Variants in CDC14B observed in about 807,000 individuals in gnomAD.
CDC14B encodes the protein cell division cycle 14B, also known as dual specificity protein phosphatase CDC14B.
A neutral mutation model predicts 64.2 loss-of-function variants in CDC14B; 22 were observed. That is an observed-to-expected ratio of 0.34 (90% CI 0.24 to 0.49). The LOEUF is 0.49. CDC14B is among the 20% of genes least tolerant of loss of function. The pLI is 0.99. For synonymous variants in CDC14B, 191 were observed against 215.8 expected (o/e 0.89, Z 1.01); for missense variants, 498 against 629.9 (o/e 0.79, Z 2.24).
intron 7 of CDC14B, among the ~76,000 whole-genome samples, chr9:96,535,328 AT>A (rs1839135813): frequency 6.6e-6 from 1 of 152,212 alleles, no homozygotes; most frequent in African/African-American, 2.4e-5. Flanking sequence ...AATTAAAAAA[AT>A]AAATAAATAA....
At chr9:96,606,583 G>GTGTGTGTGT (rs1846955802) in intron 1 of CDC14B, among the ~76,000 whole-genome samples, 1 of 143,102 alleles carries the variant, frequency 7.0e-6, no homozygotes, top group Non-Finnish European at 1.5e-5. Flanking sequence ...GTGTGTTTCT[G>GTGTGTGTGT]GAGATGGTGT....
intron 9 of CDC14B, among the ~76,000 whole-genome samples, chr9:96,530,653 AT>A (rs57789654): frequency 1.6e-3 from 217 of 137,878 alleles, no homozygotes; most frequent in Middle Eastern, 3.6e-3. Context: ...TCTAATTTCG[AT>A]TTTTTTTTTT....
intron 1 of CDC14B, among the ~76,000 whole-genome samples, chr9:96,597,065 C>T (rs1216328554): frequency 2.0e-5 from 3 of 152,012 alleles, no homozygotes; most frequent in African/African-American, 4.8e-5. Context: ...ATAAAGAAAA[C>T]CACACCAATG....
intron 7 of CDC14B, among the ~76,000 whole-genome samples, chr9:96,536,547 G>T (rs1266350549): frequency 2.6e-5 from 4 of 152,216 alleles, no homozygotes; most frequent in Admixed American, 6.5e-5. Context: ...TAAAGACAGG[G>T]TTGGCCCTAA....
chr9:96,562,234 G>C (rs1843308373), intron 4 of CDC14B, among the ~76,000 whole-genome samples: 1 of 151,996 alleles, frequency 6.6e-6, no homozygotes, highest in Non-Finnish European at 1.5e-5. Flanking sequence ...ACCTTAATTA[G>C]GGGAAAAATG....
downstream of CDC14B, chr9:96,496,384 C>G (rs773143448): frequency 2.8e-5 from 14 of 497,012 alleles, no homozygotes; most frequent in South Asian, 2.1e-4. Flanking sequence ...AGATGGACAG[C>G]GCTGTACTTA....
chr9:96,586,990 C>T (rs1845484215), intron 1 of CDC14B, among the ~76,000 whole-genome samples: 1 of 151,910 alleles, frequency 6.6e-6, no homozygotes, highest in Non-Finnish European at 1.5e-5. Context: ...CTGGCCAACA[C>T]CGCGAAACCC....
At chr9:96,527,858 G>T (rs139410363) in intron 9 of CDC14B, among the ~76,000 whole-genome samples, 2 of 151,834 alleles carry the variant, frequency 1.3e-5, no homozygotes, top group Non-Finnish European at 2.9e-5. Flanking sequence ...CTCGTGATCC[G>T]CCCACCTCAG....
chr9:96,575,709 A>C (rs1380130512), intron 1 of CDC14B, among the ~76,000 whole-genome samples: 5 of 152,222 alleles, frequency 3.3e-5, no homozygotes, highest in Non-Finnish European at 5.9e-5. Flanking sequence ...TAAAAAATTC[A>C]AGCTAGGCTG....
At chr9:96,565,577 C>A in intron 1 of CDC14B, 94 bp from the exon 2 acceptor site, 1 of 833,270 alleles carries the variant, frequency 1.2e-6, no homozygotes, top group Non-Finnish European at 2.1e-6. Flanking sequence ...GTCAATTTTT[C>A]ATTTTTTTCA....
intron 13 of CDC14B, among the ~76,000 whole-genome samples, chr9:96,494,931 T>C (rs2131178971): frequency 6.8e-6 from 1 of 148,028 alleles, no homozygotes; most frequent in South Asian, 2.3e-4. Flanking sequence ...GTCTCCCGGG[T>C]TCATGCCATT....
At chr9:96,560,575 T>C (rs1166976735) in intron 4 of CDC14B, among the ~76,000 whole-genome samples, 2 of 147,608 alleles carry the variant, frequency 1.4e-5, no homozygotes, top group Non-Finnish European at 3.0e-5. Flanking sequence ...CATAGACTTT[T>C]CTCTTTCTCT....
Position 96,565,436 on chromosome 9 carries a change from T to G in CDC14B, c.208A>C (p.Asn70His). 6.2e-7 allele frequency: 1 copy of G among 1,611,924 alleles called. No homozygotes were observed. Among genetic ancestry groups the G allele is most frequent in the Non-Finnish European group, 8.5e-7 (1 of 1,178,116 alleles). The change falls in exon 2 of 14, where the codon AAT (asparagine) becomes CAT (histidine). Residue 70 changes from asparagine to histidine, a missense_variant. Transcript: ENST00000375241. The part of the protein sequence containing the change: ...ILYSRPKSAS[N>H]VHYFSIDNEL... ...TTATCTATGCTGAAATAATGTACAT[T>G]TGATGCACTCTTTGGTCTGCTGTAG...
chr9:96,618,381 C>T, intron 1 of CDC14B: 1 of 443,414 alleles, frequency 2.3e-6, no homozygotes, highest in Admixed American at 2.4e-5. Context: ...AATGCCTTCA[C>T]ACGCGTCACT....
chr9:96,579,931 T>A (rs1296216105), intron 1 of CDC14B, among the ~76,000 whole-genome samples: 3 of 151,946 alleles, frequency 2.0e-5, no homozygotes, highest in African/African-American at 4.8e-5. Flanking sequence ...GTTTTTTTTT[T>A]AAAGCAATTG....
chr9:96,495,238 T>G (rs1833197295), downstream of CDC14B, among the ~76,000 whole-genome samples: 1 of 152,178 alleles, frequency 6.6e-6, no homozygotes, highest in Non-Finnish European at 1.5e-5. Flanking sequence ...CCATGTGGCA[T>G]CAACTTGTAC....
intron 9 of CDC14B, among the ~76,000 whole-genome samples, chr9:96,532,048 C>T (rs921868160): frequency 6.6e-6 from 1 of 152,004 alleles, no homozygotes. Flanking sequence ...ACTTAATCCC[C>T]TTACTAGTTA....
At chr9:96,583,524 G>C (rs1380911545) in intron 1 of CDC14B, among the ~76,000 whole-genome samples, 1 of 151,178 alleles carries the variant, frequency 6.6e-6, no homozygotes, top group East Asian at 1.9e-4. Context: ...AGTCTCAAGA[G>C]TAGCTGGGAC....
chr9:96,587,187 C>CA (rs142581356), intron 1 of CDC14B, among the ~76,000 whole-genome samples: 54 of 150,428 alleles, frequency 3.6e-4, no homozygotes, highest in Middle Eastern at 3.4e-3. Flanking sequence ...ACAAAAACAA[C>CA]AAAAAAAAAG....
Sources: allele counts gnomAD v4.1 joint callset (sites outside exome capture counted in the v4.1 genomes callset), GRCh38; gene constraint gnomAD v4.1.1; transcripts MANE v1.5; gene names NCBI Gene and HGNC (gene_info 2026-07-23, HGNC 2026-07-21).